The following BAZ2B variants were observed in gnomAD, a reference collection of about 807,000 sequenced individuals.
BAZ2B encodes bromodomain adjacent to zinc finger domain 2B, also known as bromodomain adjacent to zinc finger domain protein 2B.
BAZ2B carries 91 observed loss-of-function variants against 246.0 expected under a neutral mutation model. The ratio of observed to expected loss-of-function variants is 0.37; its 90% confidence interval spans 0.31 to 0.44. The LOEUF (loss-of-function observed/expected upper bound fraction) is 0.44. BAZ2B is among the 20% of genes least tolerant of loss of function. The probability of loss-of-function intolerance (pLI) is 1.00; values close to 1 mark genes in which losing one functional copy is unlikely to be tolerated. For missense variants in BAZ2B, 2,332 were observed against 2,533.7 expected (o/e 0.92, Z 1.71); for synonymous variants, 855 against 860.0 (o/e 0.99, Z 0.10).
At chr2:159,430,819 G>A in intron 10 of BAZ2B, 44 bp downstream of exon 10, 1 of 1,568,462 alleles carries the variant, frequency 6.4e-7, no homozygotes, top group Non-Finnish European at 8.6e-7. Flanking sequence ...TTCTTGCTAT[G>A]GTTTGACTTC....
chr2:159,560,724 C>T (rs1487072716), intron 1 of BAZ2B, among the ~76,000 whole-genome samples: 1 of 152,042 alleles, frequency 6.6e-6, no homozygotes, highest in Non-Finnish European at 1.5e-5. Flanking sequence ...GACGGGATTT[C>T]ACCATCTTGG....
the BAZ2B span, among the ~76,000 whole-genome samples, chr2:159,652,213 T>C: frequency 4.0e-4 from 15 of 37,484 alleles, no homozygotes; most frequent in Middle Eastern, 0.022. Context: ...GTTACTCTCT[T>C]TTTTTTTTTT....
chr2:159,350,841 G>C (rs1559066213), intron 27 of BAZ2B, among the ~76,000 whole-genome samples: 2 of 151,482 alleles, frequency 1.3e-5, no homozygotes. Context: ...CCAAAGTGCA[G>C]GGATAACAGG....
chr2:159,533,156 A>G (rs577569959), intron 2 of BAZ2B, among the ~76,000 whole-genome samples: 1 of 152,330 alleles, frequency 6.6e-6, no homozygotes, highest in African/African-American at 2.4e-5. Flanking sequence ...GGCACTTTTA[A>G]GTTTTGATTA....
At chr2:159,662,740 C>T in the BAZ2B span, among the ~76,000 whole-genome samples, 74 of 152,072 alleles carry the variant, frequency 4.9e-4, no homozygotes, top group Non-Finnish European at 8.5e-4. Context: ...CCATGTTGGC[C>T]AGGCTGGCTT....
chr2:159,324,464 A>G (rs776804043), intron 36 of BAZ2B, among the ~76,000 whole-genome samples: 6 of 152,120 alleles, frequency 3.9e-5, no homozygotes, highest in Non-Finnish European at 8.8e-5. Context: ...ATTCCGGCTT[A>G]TATGTTACTT....
chr2:159,553,379 T>G (rs2088589920), intron 2 of BAZ2B, among the ~76,000 whole-genome samples: 1 of 107,478 alleles, frequency 9.3e-6, no homozygotes, highest in Non-Finnish European at 1.7e-5. Flanking sequence ...TGGGCAAGAG[T>G]GAGACTCTGT....
At chr2:159,420,872 A>G (rs1018506687) in intron 13 of BAZ2B, among the ~76,000 whole-genome samples, 1 of 152,184 alleles carries the variant, frequency 6.6e-6, no homozygotes, top group Non-Finnish European at 1.5e-5. Flanking sequence ...AGTCCGTAGG[A>G]AATTTATTTA....
chr2:159,453,918 C>T, intron 3 of BAZ2B, 117 bp from the exon 4 acceptor site: 2 of 898,072 alleles, frequency 2.2e-6, no homozygotes, highest in Non-Finnish European at 3.0e-6. Flanking sequence ...TTTATTTTAC[C>T]CTTTTCCTGC....
chr2:159,694,844 C>T, the BAZ2B span: 4 of 152,138 alleles, frequency 2.6e-5, no homozygotes, highest in African/African-American at 4.8e-5. Context: ...TACTTAGTAA[C>T]GATATTGCTG....
At position 159,324,928 on chromosome 2, in the gene BAZ2B, T is replaced by A; in HGVS notation, c.6236A>T (p.His2079Leu). ...CSMILTEMET[H>L]EDAWPFLLPV... ...AAGTAGAAAAGGCCATGCATCCTCATGAGTTTCCATTTCAGTCAGAATCAT... is the reference window on the plus strand; with the variant it reads ...AAGTAGAAAAGGCCATGCATCCTCAAGAGTTTCCATTTCAGTCAGAATCAT... The change falls in exon 36 of 37, where the codon CAT (histidine) becomes CTT (leucine). Residue 2079 changes from histidine (H) to leucine (L), a missense_variant. Physicochemically the swap from His to Leu is moderately conservative, Grantham distance 99. Transcript: ENST00000392783. 6.5e-7 allele frequency: 1 copy of A among 1,549,256 alleles called. No homozygotes were observed. Among genetic ancestry groups the A allele is most frequent in the Non-Finnish European group, 8.6e-7 (1 of 1,157,416 alleles).
Position 159,571,100 on chromosome 2 carries a change from C to T in BAZ2B, c.-45-15235G>A, listed in dbSNP as rs932084699. Among the ~76,000 whole-genome samples the T allele has an allele frequency of 7.2e-5, 11 of 152,234 alleles. No individual in the cohort carries two copies. In the East Asian group the frequency reaches 1.5e-3, roughly 21 times the overall value. On this transcript the variant is annotated intron_variant, in intron 1 of 36. Transcript: ENST00000392783. ...AACTCCTGACTGCAAGTGAACCGCCCGCCTTGGCCTACCAAAGTGCTGGGA... is the reference window on the plus strand; with the variant it reads ...AACTCCTGACTGCAAGTGAACCGCCTGCCTTGGCCTACCAAAGTGCTGGGA...
At chr2:159,475,200 T>C (rs1040621301) in intron 3 of BAZ2B, among the ~76,000 whole-genome samples, 2 of 152,182 alleles carry the variant, frequency 1.3e-5, no homozygotes, top group Admixed American at 6.5e-5. Flanking sequence ...CAATCAAACA[T>C]AGGTTTGGTC....
chr2:159,348,613 G>A (rs1428459299), intron 30 of BAZ2B, 65 bp downstream of exon 30: 2 of 1,514,278 alleles, frequency 1.3e-6, no homozygotes, highest in Non-Finnish European at 1.8e-6. Context: ...CTAAAATATG[G>A]TTTAGAATAA....
chr2:159,462,402 C>G, intron 3 of BAZ2B: 1 of 1,283,288 alleles, frequency 7.8e-7, no homozygotes, highest in Middle Eastern at 2.0e-4. Flanking sequence ...TTTAGGCATT[C>G]TGCATTTCTT....
intron 2 of BAZ2B, among the ~76,000 whole-genome samples, chr2:159,496,698 G>A (rs1002196133): frequency 1.4e-5 from 2 of 143,956 alleles, no homozygotes; most frequent in Admixed American, 7.3e-5. Flanking sequence ...CAGGAGAATC[G>A]CTTGAACCTG....
At chr2:159,627,431 C>G in the BAZ2B span, among the ~76,000 whole-genome samples, 1 of 151,912 alleles carries the variant, frequency 6.6e-6, no homozygotes, top group Non-Finnish European at 1.5e-5. Flanking sequence ...AAAAAACTGT[C>G]AAACCAAATC....
chr2:159,351,611 A>C (rs1294303614), intron 27 of BAZ2B, among the ~76,000 whole-genome samples: 2 of 152,192 alleles, frequency 1.3e-5, no homozygotes, highest in African/African-American at 4.8e-5. Flanking sequence ...TACACCCTCA[A>C]TGAAACTGGA....
chr2:159,660,431 T>C, the BAZ2B span, among the ~76,000 whole-genome samples: 2 of 152,212 alleles, frequency 1.3e-5, no homozygotes, highest in Admixed American at 6.5e-5. Context: ...AATCTGTGAC[T>C]TCTTCTGTAG....
Sources: allele counts gnomAD v4.1 joint callset (sites outside exome capture counted in the v4.1 genomes callset), GRCh38; gene constraint gnomAD v4.1.1; transcripts MANE v1.5; gene names NCBI Gene and HGNC (gene_info 2026-07-23, HGNC 2026-07-21).